DGKB: variants seen among roughly 807,000 people sequenced by gnomAD.
DGKB encodes 90 kDa diacylglycerol kinase.
DGKB carries 67 observed loss-of-function variants against 114.3 expected under a neutral mutation model. That is an observed-to-expected ratio of 0.59 (90% CI 0.48 to 0.72). The LOEUF (loss-of-function observed/expected upper bound fraction) is 0.72. DGKB is among the 30% of genes least tolerant of loss of function. DGKB has a pLI of 0.00. For missense variants in DGKB, 907 were observed against 975.2 expected (o/e 0.93, Z 0.93); for synonymous variants, 398 against 323.1 (o/e 1.23, Z -2.49).
chr7:14,807,652 T>C lies in DGKB; in HGVS notation c.70+33542A>G, dbSNP rs116701132. Among the ~76,000 whole-genome samples, 1,211 of 152,138 alleles carry C rather than the reference T, an allele frequency of 8.0e-3. 14 individuals are homozygous for C. Among genetic ancestry groups the C allele is most frequent in the African/African-American group, 0.027 (1,127 of 41,566 alleles). ...AGAGATAGATTTGAACATATAGTCC[T>C]GGAAATAGCTCAACATGCATCCTCT... On this transcript the variant is annotated intron_variant, in intron 2 of 25. Transcript: ENST00000402815.
At chr7:14,760,551 C>G (rs1325195074) in intron 2 of DGKB, among the ~76,000 whole-genome samples, 1 of 151,980 alleles carries the variant, frequency 6.6e-6, no homozygotes, top group Non-Finnish European at 1.5e-5. Context: ...AGCAGAACTG[C>G]TTTTACTTCT....
chr7:14,362,142 G>A (rs1583413738), intron 21 of DGKB, among the ~76,000 whole-genome samples: 1 of 152,096 alleles, frequency 6.6e-6, no homozygotes, highest in African/African-American at 2.4e-5. Flanking sequence ...CAATCAATAA[G>A]AAAGCAAAAT....
chr7:14,182,730 T>C (rs1221970302), intron 23 of DGKB, among the ~76,000 whole-genome samples: 1 of 152,180 alleles, frequency 6.6e-6, no homozygotes, highest in Non-Finnish European at 1.5e-5. Flanking sequence ...GCTCAGCTAA[T>C]AAGTGGGTAA....
intron 1 of DGKB, among the ~76,000 whole-genome samples, chr7:14,853,343 G>A (rs970040482): frequency 6.6e-6 from 1 of 151,832 alleles, no homozygotes; most frequent in African/African-American, 2.4e-5. Flanking sequence ...TACCTTTCAT[G>A]TACATACTGG....
At chr7:14,176,490 T>C (rs1040247337) in intron 25 of DGKB, 2 of 1,004,790 alleles carry the variant, frequency 2.0e-6, no homozygotes, top group African/African-American at 3.5e-5. Flanking sequence ...GCAAATAATA[T>C]TCTAATAATG....
At chr7:14,911,268 A>G (rs17168517) in intron 1 of DGKB, among the ~76,000 whole-genome samples, 3,106 of 152,250 alleles carry the variant, frequency 0.02, 95 homozygotes, top group African/African-American at 0.062. Context: ...CACTGTATCA[A>G]TAAGTGTAGT....
At chr7:14,457,785 T>C (rs1832492031) in intron 21 of DGKB, among the ~76,000 whole-genome samples, 1 of 152,208 alleles carries the variant, frequency 6.6e-6, no homozygotes, top group African/African-American at 2.4e-5. Flanking sequence ...TTTTAGCATT[T>C]ACAACAGACT....
chr7:14,968,029 T>C (rs1480496980), intron 1 of DGKB, among the ~76,000 whole-genome samples: 1 of 152,156 alleles, frequency 6.6e-6, no homozygotes, highest in African/African-American at 2.4e-5. Flanking sequence ...CCACACTCCA[T>C]ATAGTAGAGA....
At chr7:14,825,063 G>T (rs1448260551) in intron 2 of DGKB, among the ~76,000 whole-genome samples, 1 of 107,960 alleles carries the variant, frequency 9.3e-6, no homozygotes, top group Non-Finnish European at 1.9e-5. Context: ...TATATCACAT[G>T]TACTAGGTAA....
chr7:14,964,721 G>A lies in DGKB; in HGVS notation c.-188+9975C>T, dbSNP rs1414237537. 2.6e-5 allele frequency among the ~76,000 whole-genome samples: 4 copies of A among 152,228 alleles called. No individual in the cohort carries two copies. The East Asian group carries it at 7.8e-4, about 30-fold the overall frequency. On this transcript the variant is annotated intron_variant, in intron 1 of 4. Transcript: ENST00000437998. ...TTTAAGAGATCTTGCTGGCAAGATT[G>A]AGGAGGAAATATTGAGGAGGAATTG... is the stretch of plus-strand genomic sequence containing the variant.
chr7:14,547,670 G>T (rs1794498508), intron 20 of DGKB, among the ~76,000 whole-genome samples: 1 of 151,940 alleles, frequency 6.6e-6, no homozygotes, highest in Non-Finnish European at 1.5e-5. Flanking sequence ...TAGCAAGAGT[G>T]TAGAACTTTT....
rs187999493 is a variant in DGKB, at chr7:14,355,635, T to C, written c.1836-10244A>G. Among the ~76,000 whole-genome samples, 1,266 of 152,356 alleles carry C rather than the reference T, an allele frequency of 8.3e-3. 18 individuals carry two copies. Among genetic ancestry groups the C allele is most frequent in the African/African-American group, 0.029 (1,204 of 41,580 alleles). ...CATCCCAGGGATGAAGCCAACTTGATCATGGTGGATAAGCTTTTTGATGTG... is the reference window on the plus strand; with the variant it reads ...CATCCCAGGGATGAAGCCAACTTGACCATGGTGGATAAGCTTTTTGATGTG... On this transcript the variant is annotated intron_variant, in intron 21 of 25. Transcript: ENST00000402815.
intron 1 of DGKB, among the ~76,000 whole-genome samples, chr7:14,946,873 A>G (rs2158484): frequency 2.0e-5 from 3 of 151,840 alleles, no homozygotes; most frequent in Non-Finnish European, 4.4e-5. Flanking sequence ...TTGACATTGT[A>G]TAATCCAACA....
intron 1 of DGKB, among the ~76,000 whole-genome samples, chr7:14,892,962 A>ATATACACACACACATATGTGTGTG (rs1781511484): frequency 3.4e-5 from 5 of 147,618 alleles, no homozygotes; most frequent in Non-Finnish European, 6.2e-5. Context: ...ATGTGTGTGT[A>ATATACACACACACATATGTGTGTG]TATATACATA....
intron 2 of DGKB, among the ~76,000 whole-genome samples, chr7:14,773,662 A>G (rs1837738456): frequency 6.6e-6 from 1 of 152,104 alleles, no homozygotes; most frequent in South Asian, 2.1e-4. Context: ...ATAATCAACA[A>G]TGAGGGGCAC....
chr7:14,583,163 A>G, intron 17 of DGKB, 26 bp from the exon 18 acceptor site: 1 of 1,405,008 alleles, frequency 7.1e-7, no homozygotes, highest in South Asian at 1.2e-5. Flanking sequence ...GTTATGGCAC[A>G]TGATTAATAG....
chr7:14,186,412 G>A (rs1783439771), intron 23 of DGKB, among the ~76,000 whole-genome samples: 1 of 152,336 alleles, frequency 6.6e-6, no homozygotes, highest in African/African-American at 2.4e-5. Flanking sequence ...ATTCTACACT[G>A]TGGGTGGGAA....
intron 15 of DGKB, among the ~76,000 whole-genome samples, chr7:14,619,401 A>G (rs1336103031): frequency 6.6e-6 from 1 of 151,722 alleles, no homozygotes; most frequent in Non-Finnish European, 1.5e-5. Context: ...AGAAAATAAA[A>G]TCAAACATAT....
chr7:14,725,921 G>A (rs1829957879), intron 5 of DGKB, among the ~76,000 whole-genome samples: 1 of 151,994 alleles, frequency 6.6e-6, no homozygotes, highest in African/African-American at 2.4e-5. Flanking sequence ...AATGAATAAT[G>A]GTAATGACTG....
Sources: gnomAD v4.1 joint callset for allele counts (sites outside exome capture counted in the v4.1 genomes callset) on GRCh38, gnomAD v4.1.1 for gene constraint, MANE v1.5 for transcripts, NCBI Gene and HGNC (gene_info 2026-07-23, HGNC 2026-07-21) for gene names.